The following HS2ST1 variants were observed in gnomAD, a reference collection of about 807,000 sequenced individuals.
HS2ST1 encodes 2-O-sulfotransferase.
A neutral mutation model predicts 42.9 loss-of-function variants in HS2ST1; 18 were observed. The observed-to-expected ratio is 0.42, with a 90% CI of 0.29 to 0.62. The LOEUF is 0.62. Ranked by LOEUF, HS2ST1 falls within the 20% of genes least tolerant of loss-of-function variation. HS2ST1 has a pLI of 0.21. For missense variants in HS2ST1, 334 were observed against 433.8 expected, an observed-to-expected ratio of 0.77 and a Z score of 2.04; for synonymous variants, 146 against 152.9, an observed-to-expected ratio of 0.95 and a Z score of 0.33.
chr1:86,954,041 A>T (rs4656129), intron 1 of HS2ST1, among the ~76,000 whole-genome samples: 928 of 48,006 alleles, frequency 0.019, 6 homozygotes, highest in African/African-American at 0.059. Flanking sequence ...TGTTTTTTTT[A>T]AAAAAAAAAA....
chr1:86,971,348 G>A (rs1437381340), intron 1 of HS2ST1, among the ~76,000 whole-genome samples: 5 of 152,050 alleles, frequency 3.3e-5, no homozygotes, highest in African/African-American at 1.2e-4. Flanking sequence ...TATTTCTTCA[G>A]TTCTGTGAGC....
At chr1:87,083,022 T>A (rs2100643340) in intron 2 of HS2ST1, among the ~76,000 whole-genome samples, 1 of 152,306 alleles carries the variant, frequency 6.6e-6, no homozygotes, top group Non-Finnish European at 1.5e-5. Flanking sequence ...TCTTAGTATG[T>A]GAGTTATTAA....
rs184705514 is a variant in HS2ST1, at chr1:87,094,294, G to A, written c.588+1625G>A. 2.9e-3 allele frequency among the ~76,000 whole-genome samples: 438 copies of A among 152,094 alleles called. 3 individuals carry two copies. Among genetic ancestry groups the A allele is most frequent in the African/African-American group, 0.01 (420 of 41,520 alleles). ...TGTCAGCCCTGGATAGCATGGTTTT[G>A]TGGTTCCTAGCCTGTGTAGTTTGGG... On this transcript the variant is annotated intron_variant, in intron 4 of 6. Coordinates refer to ENST00000370550, the MANE Select transcript of HS2ST1 (RefSeq NM_012262.4).
intron 1 of HS2ST1, among the ~76,000 whole-genome samples, chr1:86,935,696 T>C (rs1319592220): frequency 6.6e-6 from 1 of 152,096 alleles, no homozygotes; most frequent in Non-Finnish European, 1.5e-5. Context: ...ACTCCTGGCC[T>C]CAAGTGATCT....
At chr1:87,037,663 A>T (rs1570502707) in intron 1 of HS2ST1, among the ~76,000 whole-genome samples, 1 of 151,754 alleles carries the variant, frequency 6.6e-6, no homozygotes, top group African/African-American at 2.4e-5. Flanking sequence ...ACCTATTATA[A>T]ATTGGGTATG....
At chr1:86,999,973 A>T (rs12036844) in intron 1 of HS2ST1, among the ~76,000 whole-genome samples, 2 of 151,970 alleles carry the variant, frequency 1.3e-5, no homozygotes, top group Admixed American at 1.3e-4. Flanking sequence ...TGCCAAAAAA[A>T]GGGAGAAAAT....
chr1:87,067,141 C>T (rs1039915990), intron 1 of HS2ST1, among the ~76,000 whole-genome samples: 16 of 152,156 alleles, frequency 1.1e-4, no homozygotes, highest in Non-Finnish European at 2.1e-4. Context: ...CTTGAGGAAT[C>T]GCCACATTGT....
At position 87,103,415 on chromosome 1, in the gene HS2ST1, C is replaced by G; in HGVS notation, c.687-17C>G. The G allele has an allele frequency of 6.3e-7, 1 of 1,577,262 alleles. No individual in the cohort carries two copies. The highest frequency in any genetic ancestry group is 8.6e-7 in the Non-Finnish European group (1 of 1,165,470). ...AGATTTCACAACCAGGTTTTAATTC[C>G]TTTTCTTTGGTTTCAGGAATGTGGG... On this transcript the variant is annotated splice_polypyrimidine_tract_variant and intron_variant, in intron 5 of 6. Coordinates refer to ENST00000370550, the MANE Select transcript of HS2ST1 (RefSeq NM_012262.4).
intron 1 of HS2ST1, among the ~76,000 whole-genome samples, chr1:87,020,137 T>C (rs559044971): frequency 6.6e-6 from 1 of 152,362 alleles, no homozygotes; most frequent in Non-Finnish European, 1.5e-5. Flanking sequence ...TGCTAAATTA[T>C]ATTTTGAGAG....
At chr1:86,922,190 T>C (rs187189755) in intron 1 of HS2ST1, among the ~76,000 whole-genome samples, 10 of 151,820 alleles carry the variant, frequency 6.6e-5, no homozygotes, top group Admixed American at 5.9e-4. Flanking sequence ...AAGTGGTTGC[T>C]TAAGGGTTTA....
chr1:87,040,868 ATTAG>A (rs1426645264), intron 1 of HS2ST1, among the ~76,000 whole-genome samples: 1 of 152,118 alleles, frequency 6.6e-6, no homozygotes, highest in Non-Finnish European at 1.5e-5. Context: ...ATTTCCAAGA[ATTAG>A]TTAGCTCTTC....
At chr1:87,025,910 T>C (rs1348323412) in intron 1 of HS2ST1, among the ~76,000 whole-genome samples, 1 of 152,194 alleles carries the variant, frequency 6.6e-6, no homozygotes, top group African/African-American at 2.4e-5. Context: ...TGAGTAAAAT[T>C]GCTAGTGTGG....
At chr1:87,090,254 G>T (rs762395753) in intron 3 of HS2ST1, among the ~76,000 whole-genome samples, 2 of 152,034 alleles carry the variant, frequency 1.3e-5, no homozygotes, top group Non-Finnish European at 2.9e-5. Context: ...GTTGGGCACA[G>T]TGCTGAGCAT....
At chr1:87,101,183 T>TTTTTTTTTTTTTTTG (rs1652195959) in intron 5 of HS2ST1, among the ~76,000 whole-genome samples, 1 of 138,264 alleles carries the variant, frequency 7.2e-6, no homozygotes, top group Non-Finnish European at 1.5e-5. Context: ...TTTTTTTTTT[T>TTTTTTTTTTTTTTTG]TTGAGGCAGT....
rs774505983 is a variant in HS2ST1, at chr1:87,084,198, G to T, written c.368G>T (p.Arg123Leu). 1.3e-6 allele frequency: 2 copies of T among 1,583,646 alleles called. No homozygotes were observed. The highest frequency in any genetic ancestry group is 1.8e-5 in the Admixed American group (1 of 56,492). ...NPVMSLQDQV[R>L]FVKNITSWKE... is the part of the protein sequence containing the mutation. Reference sequence around the variant, plus strand: ...GAATGTGTTCTCCCTTTTTAGGTGCGCTTTGTAAAGAATATAACTTCCTGG... The same window carrying T: ...GAATGTGTTCTCCCTTTTTAGGTGCTCTTTGTAAAGAATATAACTTCCTGG... Residue 123 changes from arginine to leucine, a missense_variant, in exon 3 of 7, where the codon CGC (arginine) becomes CTC (leucine). Physicochemically the swap from Arg to Leu is moderately radical, Grantham distance 102. Coordinates refer to ENST00000370550, the MANE Select transcript of HS2ST1 (RefSeq NM_012262.4).
chr1:87,073,587 C>G (rs2100635180), intron 2 of HS2ST1, among the ~76,000 whole-genome samples: 1 of 152,042 alleles, frequency 6.6e-6, no homozygotes, highest in East Asian at 1.9e-4. Flanking sequence ...GAGATAGATA[C>G]AGAGAGAGTT....
Position 87,104,611 on chromosome 1 carries a change from C to A in HS2ST1, c.986C>A (p.Ala329Asp). The change falls in exon 7 of 7, where the codon GCC becomes GAC. Residue 329 changes from alanine (A) to aspartate (D), a missense_variant. By Grantham distance (126) the Ala-to-Asp change is moderately radical. Coordinates refer to ENST00000370550, the MANE Select transcript of HS2ST1 (RefSeq NM_012262.4). ...CTAGAGCAGTTCCAATTCATCAGAG[C>A]CCATGCCGTTCGAGAAAAAGATGGA... Reference protein sequence around the residue: ...FALEQFQFIRAHAVREKDGDL... With the variant: ...FALEQFQFIRDHAVREKDGDL... The A allele has an allele frequency of 6.2e-7, 1 of 1,613,316 alleles. No individual in the cohort carries two copies. Among genetic ancestry groups the A allele is most frequent in the Non-Finnish European group, 8.5e-7 (1 of 1,179,334 alleles).
At chr1:87,044,204 A>C (rs779573941) in intron 1 of HS2ST1, among the ~76,000 whole-genome samples, 1 of 152,182 alleles carries the variant, frequency 6.6e-6, no homozygotes, top group Non-Finnish European at 1.5e-5. Context: ...ATTTTTGGAC[A>C]TTACAGCTCT....
Position 87,106,246 on chromosome 1 carries a change from A to C in HS2ST1, c.*1550A>C, listed in dbSNP as rs1468077229. On this transcript the variant is annotated 3_prime_UTR_variant, in exon 7 of 7. Coordinates refer to ENST00000370550, the MANE Select transcript of HS2ST1 (RefSeq NM_012262.4). ...ATATCCTCTCAGTGTTTTATCTTCC[A>C]TGTTTCAACAACTATTGAAATATGA... 2 of 152,508 alleles carry C rather than the reference A, an allele frequency of 1.3e-5. No homozygotes were observed. The highest frequency in any genetic ancestry group is 3.8e-4 in the East Asian group (2 of 5,204). The allele number at this position is 152,508 out of a possible 1,614,324, so 9.4% of individuals were successfully genotyped here.
Sources: gnomAD v4.1 joint callset for allele counts (sites outside exome capture counted in the v4.1 genomes callset) on GRCh38, gnomAD v4.1.1 for gene constraint, MANE v1.5 for transcripts, NCBI Gene and HGNC (gene_info 2026-07-23, HGNC 2026-07-21) for gene names.